Variants in CLIP2 observed in about 807,000 individuals in gnomAD.
The protein encoded by CLIP2 is CAP-Gly domain containing linker protein 2, also known as CAP-Gly domain-containing linker protein 2.
In CLIP2, 41 loss-of-function variants were observed where a neutral mutation model predicts 111.7. The ratio of observed to expected loss-of-function variants is 0.37; its 90% CI spans 0.29 to 0.48. The LOEUF is 0.48. CLIP2 is among the 20% of genes least tolerant of loss of function. CLIP2 has a pLI of 0.99. For synonymous variants in CLIP2, 660 were observed against 644.2 expected (o/e 1.02, Z -0.37); for missense variants, 1,160 against 1,422.1 (o/e 0.82, Z 2.96).
At chr7:74,389,380 C>T (rs1554315401) in intron 13 of CLIP2, 121 bp downstream of exon 13, 42 of 912,990 alleles carry the variant, frequency 4.6e-5, no homozygotes, top group East Asian at 2.8e-5. Context: ...GCCAGGTGGC[C>T]GATCTCGAGC....
At chr7:74,364,411 C>G (rs549634338) in intron 8 of CLIP2, 96 bp downstream of exon 8, 15 of 1,092,494 alleles carry the variant, frequency 1.4e-5, no homozygotes, top group East Asian at 7.8e-5. Context: ...ACCTCTAGGC[C>G]CCCCCGGGGA....
chr7:74,381,187 CT>C (rs1790935053), intron 11 of CLIP2: 1 of 159,748 alleles, frequency 6.3e-6, no homozygotes, highest in South Asian at 2.0e-4. Flanking sequence ...TTATACTTTA[CT>C]TTTATTTATT....
chr7:74,298,427 C>T (rs1788233765), intron 1 of CLIP2, among the ~76,000 whole-genome samples: 1 of 143,598 alleles, frequency 7.0e-6, no homozygotes, highest in South Asian at 2.2e-4. Flanking sequence ...TGGTCTTGAA[C>T]TCCTGATCTC....
At chr7:74,305,994 G>A (rs886205832) in intron 1 of CLIP2, among the ~76,000 whole-genome samples, 6 of 151,950 alleles carry the variant, frequency 3.9e-5, no homozygotes, top group Non-Finnish European at 8.8e-5. Flanking sequence ...CCTGATTGCT[G>A]GGGCACGTCC....
intron 6 of CLIP2, among the ~76,000 whole-genome samples, chr7:74,358,282 C>T (rs1790206474): frequency 6.6e-6 from 1 of 151,556 alleles, no homozygotes; most frequent in African/African-American, 2.4e-5. Context: ...AATTCCTGAC[C>T]TCAAGTGATC....
At position 74,338,802 on chromosome 7, in the gene CLIP2, A is replaced by C; in HGVS notation, c.476A>C (p.His159Pro). The change falls in exon 3 of 17, where the codon CAC becomes CCC. Residue 159 changes from histidine (H) to proline (P), a missense_variant. His to Pro is a moderately conservative substitution (Grantham distance 77). Around this residue, in one of 5 missense-constraint regions of CLIP2, gnomAD observed 301 missense variants for 315.2 expected, o/e 0.96. Transcript: ENST00000223398. The surrounding 1 kb of genome is among the most constrained non-coding windows in gnomAD (Gnocchi z 4.3). ...PTAEGSGSDA[H>P]SVESLTAQNL... ...GCCGAGGGCTCGGGGAGTGATGCCC[A>C]CTCCGTGGAGTCGCTGACTGCCCAG... is the stretch of plus-strand genomic sequence containing the variant. The C allele has an allele frequency of 6.2e-7, 1 of 1,610,954 alleles. No individual in the cohort carries two copies. The highest frequency in any genetic ancestry group is 8.5e-7 in the Non-Finnish European group (1 of 1,179,782).
intron 3 of CLIP2, among the ~76,000 whole-genome samples, chr7:74,350,570 A>G (rs1343570097): frequency 6.6e-6 from 1 of 151,734 alleles, no homozygotes; most frequent in African/African-American, 2.4e-5. Flanking sequence ...TACCTCCATT[A>G]AAAAAAAGAG....
chr7:74,396,072 G>T (rs1391705840), intron 13 of CLIP2, among the ~76,000 whole-genome samples: 1 of 152,156 alleles, frequency 6.6e-6, no homozygotes, highest in African/African-American at 2.4e-5. Flanking sequence ...TGCAGGCAAG[G>T]GAAAACGCTA....
chr7:74,302,288 T>A (rs1788362342), intron 1 of CLIP2, among the ~76,000 whole-genome samples: 1 of 152,044 alleles, frequency 6.6e-6, no homozygotes, highest in South Asian at 2.1e-4. Flanking sequence ...CGATATCAGC[T>A]CACTGCAACC....
intron 3 of CLIP2, among the ~76,000 whole-genome samples, chr7:74,343,827 C>T (rs1454222085): frequency 2.0e-5 from 3 of 151,626 alleles, no homozygotes; most frequent in African/African-American, 7.3e-5. Context: ...CACTTGAGCT[C>T]AGGGGGTCAA....
At chr7:74,368,589 T>C (rs1554311272) in intron 8 of CLIP2, among the ~76,000 whole-genome samples, 1 of 151,960 alleles carries the variant, frequency 6.6e-6, no homozygotes, top group East Asian at 1.9e-4. Flanking sequence ...AAAGTCCTTT[T>C]GACCTTACCT....
At chr7:74,342,375 CA>C (rs141312914) in intron 3 of CLIP2, among the ~76,000 whole-genome samples, 4 of 93,940 alleles carry the variant, frequency 4.3e-5, no homozygotes, top group African/African-American at 9.2e-5. Flanking sequence ...GACTCTGTCT[CA>C]AAAAAAAAAC....
At chr7:74,312,027 T>C (rs1264485362) in intron 1 of CLIP2, among the ~76,000 whole-genome samples, 1 of 151,604 alleles carries the variant, frequency 6.6e-6, no homozygotes, top group Non-Finnish European at 1.5e-5. Context: ...AGGTGGATCA[T>C]TTGAGGTCAA....
In CLIP2 at chr7:74,353,996, G is replaced by A. The variant is rs201279375; in HGVS notation, c.795G>A (p.Ala265=). The change falls in exon 4 of 17, where the codon GCG becomes GCA. Residue 265 remains alanine (A), a synonymous_variant. Transcript: ENST00000223398. ...EPLGKNDGAV[A]GTRYFQCPPK... ...TTGGGAAGAATGATGGGGCGGTGGC[G>A]GGCACCAGGTATGGTGGGCTTCTTC... 31 of 1,612,034 alleles carry A rather than the reference G, an allele frequency of 1.9e-5. No individual in the cohort carries two copies. Among genetic ancestry groups the A allele is most frequent in the South Asian group, 9.9e-5 (9 of 90,852 alleles).
Position 74,377,182 on chromosome 7 carries a change from C to T in CLIP2, c.2421+360C>T, listed in dbSNP as rs573291048. Among the ~76,000 whole-genome samples the T allele has an allele frequency of 5.9e-5, 9 of 152,258 alleles. No homozygotes were observed. The South Asian group carries it at 1.9e-3, about 32-fold the overall frequency. On this transcript the variant is annotated intron_variant, in intron 10 of 16. Transcript: ENST00000223398. Reference sequence around the variant, plus strand: ...GACCCGGGACCTCAGACCCTGTGCCCTGGGGCTGGCACAGACCTGAAGGCA... The same window carrying T: ...GACCCGGGACCTCAGACCCTGTGCCTTGGGGCTGGCACAGACCTGAAGGCA...
intron 8 of CLIP2, among the ~76,000 whole-genome samples, chr7:74,369,234 C>A (rs782031263): frequency 1.3e-5 from 2 of 152,006 alleles, no homozygotes; most frequent in Non-Finnish European, 2.9e-5. Flanking sequence ...ACCAGTAATC[C>A]CAGCTACTCA....
chr7:74,340,501 G>A (rs1789628860), intron 3 of CLIP2, among the ~76,000 whole-genome samples: 1 of 152,214 alleles, frequency 6.6e-6, no homozygotes, highest in South Asian at 2.1e-4. Flanking sequence ...TGTTATTGAA[G>A]TTGAGAGAAT....
chr7:74,366,708 C>T (rs553783238), intron 8 of CLIP2, among the ~76,000 whole-genome samples: 3 of 152,068 alleles, frequency 2.0e-5, no homozygotes, highest in Admixed American at 1.3e-4. Flanking sequence ...GAAACACCGT[C>T]TCTACTGAAA....
At chr7:74,380,335 G>A (rs1790908563) in intron 10 of CLIP2, 1 of 152,300 alleles carries the variant, frequency 6.6e-6, no homozygotes, top group African/African-American at 2.4e-5. Flanking sequence ...AGAGAAAGAA[G>A]CTAGCATTTA....
Sources: allele counts gnomAD v4.1 joint callset (sites outside exome capture counted in the v4.1 genomes callset), GRCh38; gene constraint gnomAD v4.1.1; regional missense constraint gnomAD v4.1.1; non-coding constraint Gnocchi (gnomAD v3.1); transcripts MANE v1.5; gene names NCBI Gene and HGNC (gene_info 2026-07-23, HGNC 2026-07-21).